KLF13: variants seen among roughly 807,000 people sequenced by gnomAD.
The protein encoded by KLF13 is KLF transcription factor 13.
A neutral mutation model predicts 16.7 loss-of-function variants in KLF13; 8 were observed. The observed-to-expected ratio is 0.48, with a 90% confidence interval of 0.28 to 0.87. KLF13 has a LOEUF of 0.87. Ranked by LOEUF, KLF13 falls within the 40% of genes least tolerant of loss-of-function variation. The pLI, the probability that KLF13 is intolerant of heterozygous loss-of-function variation, is 0.10. For synonymous variants in KLF13, 245 were observed against 208.4 expected (o/e 1.18, Z -1.51); for missense variants, 447 against 452.2 (o/e 0.99, Z 0.10).
At chr15:31,339,662 C>G (rs2038989250) in intron 1 of KLF13, among the ~76,000 whole-genome samples, 1 of 152,240 alleles carries the variant, frequency 6.6e-6, no homozygotes, top group Non-Finnish European at 1.5e-5. Flanking sequence ...CGAGGAGCGC[C>G]CTCCCACCCA....
At chr15:31,361,363 T>C (rs7169681) in intron 1 of KLF13, among the ~76,000 whole-genome samples, 126,405 of 152,092 alleles carry the variant, frequency 0.83, 52,630 homozygotes, top group South Asian at 0.89. Context: ...TCACTTGGTT[T>C]CTCACCTCTG....
chr15:31,423,133 G>GTATATATATACATA lies in KLF13; in HGVS notation n.118-12233_118-12232insTATATACATATATA, dbSNP rs771153714. On this transcript the variant is annotated intron_variant and non_coding_transcript_variant, in intron 1 of 1. Coordinates refer to the KLF13 transcript ENST00000558225. Reference sequence around the variant, plus strand: ...TATACGTATATATACGTATATATACGTATACGTATACGTATATATACGTAT... The same window carrying GTATATATATACATA: ...TATACGTATATATACGTATATATACGTATATATATACATATATACGTATACGTATATATACGTAT... Among the ~76,000 whole-genome samples, 16 of 95,636 alleles carry GTATATATATACATA rather than the reference G, an allele frequency of 1.7e-4. 6 individuals carry two copies. Among genetic ancestry groups the GTATATATATACATA allele is most frequent in the African/African-American group, 1.0e-3 (16 of 15,438 alleles). The allele number at this position is 95,636 out of a possible 152,430, so 62.7% of individuals were successfully genotyped here.
chr15:31,405,771 G>A (rs931000361), downstream of KLF13, among the ~76,000 whole-genome samples: 3 of 152,176 alleles, frequency 2.0e-5, no homozygotes, highest in African/African-American at 7.2e-5. Context: ...CCACAAAGGG[G>A]ACCCTTGGCA....
Position 31,372,230 on chromosome 15 carries a change from C to T in KLF13, c.798C>T (p.Thr266=), listed in dbSNP as rs775548859. ...AGCGGCGCGGCGGGGGCTCGCGGAC[C>T]GGCTCCCTCAGCGACTACAGCCGCT... is the stretch of plus-strand genomic sequence containing the variant. ...MLQRRGGGSR[T]GSLSDYSRSD... Residue 266 remains threonine, a synonymous_variant, in exon 2 of 2, where the codon ACC becomes ACT. Transcript: ENST00000307145. The T allele has an allele frequency of 7.2e-5, 115 of 1,593,604 alleles. No individual in the cohort carries two copies. The highest frequency in any genetic ancestry group is 1.7e-4 in the Middle Eastern group (1 of 5,990).
intron 1 of KLF13, among the ~76,000 whole-genome samples, chr15:31,364,035 C>G (rs1400323192): frequency 6.6e-6 from 1 of 152,158 alleles, no homozygotes; most frequent in East Asian, 1.9e-4. Context: ...TGCACAGTTA[C>G]CACTACCTTT....
intron 2 of KLF13, among the ~76,000 whole-genome samples, chr15:31,401,235 G>A (rs764249880): frequency 2.6e-5 from 4 of 152,166 alleles, no homozygotes; most frequent in Non-Finnish European, 4.4e-5. Context: ...CCTGACCTCA[G>A]GTGATCCACC....
At chr15:31,434,805 G>A (rs902369596) in intron 1 of KLF13, among the ~76,000 whole-genome samples, 3 of 152,278 alleles carry the variant, frequency 2.0e-5, no homozygotes, top group South Asian at 4.1e-4. Context: ...CGTCAATGCC[G>A]GCGCGCAGCA....
In KLF13 at chr15:31,327,171, C is replaced by A. The variant is rs1220980107; in HGVS notation, c.-42C>A. The A allele has an allele frequency of 1.6e-6, 2 of 1,256,294 alleles. No individual in the cohort carries two copies. The highest frequency in any genetic ancestry group is 1.6e-5 in the African/African-American group (1 of 62,118). The allele number at this position is 1,256,294 out of a possible 1,614,324, so 77.8% of individuals were successfully genotyped here. On this transcript the variant is annotated 5_prime_UTR_variant, in exon 1 of 2. Coordinates refer to ENST00000307145, the MANE Select transcript of KLF13 (RefSeq NM_015995.4). Reference sequence around the variant, plus strand: ...GCCGTGGGTGCGGATGCGCGGCTGACGACTCGCAGCAAGAGCACCGCCGCC... The same window carrying A: ...GCCGTGGGTGCGGATGCGCGGCTGAAGACTCGCAGCAAGAGCACCGCCGCC...
rs140235811 is a variant in KLF13, at chr15:31,328,146, C to A, written c.577+357C>A. On this transcript the variant is annotated intron_variant, in intron 1 of 1. Transcript: ENST00000307145. The stretch of plus-strand genomic sequence containing the variant: ...AGGTGCGGGCGGCCTGGGTGTGGAC[C>A]GCAGGCGGCACTCGTGACGGTGGGG... Among the ~76,000 whole-genome samples, 1,116 of 150,380 alleles carry A rather than the reference C, an allele frequency of 7.4e-3. 17 individuals are homozygous for A. Among genetic ancestry groups the A allele is most frequent in the African/African-American group, 0.026 (1,076 of 41,080 alleles).
upstream of KLF13, among the ~76,000 whole-genome samples, chr15:31,392,270 C>T (rs2039882469): frequency 6.6e-6 from 1 of 152,226 alleles, no homozygotes; most frequent in Non-Finnish European, 1.5e-5. Context: ...GCTTTGCACT[C>T]TGTCATTCTA....
At chr15:31,371,392 C>T (rs2039552651) in intron 1 of KLF13, among the ~76,000 whole-genome samples, 1 of 152,248 alleles carries the variant, frequency 6.6e-6, no homozygotes, top group Non-Finnish European at 1.5e-5. Context: ...GTTTCATTCT[C>T]CTGCTCTGCC....
At chr15:31,341,395 G>C (rs991386054) in intron 1 of KLF13, among the ~76,000 whole-genome samples, 2 of 152,098 alleles carry the variant, frequency 1.3e-5, no homozygotes, top group African/African-American at 4.8e-5. Context: ...TAACTTGCAA[G>C]AGCAAAATTT....
intron 2 of KLF13, among the ~76,000 whole-genome samples, chr15:31,398,595 G>A (rs372084259): frequency 3.4e-4 from 51 of 152,204 alleles, no homozygotes; most frequent in African/African-American, 1.1e-3. Context: ...GAGAAGCAGC[G>A]ACCCCTTCCA....
intron 1 of KLF13, among the ~76,000 whole-genome samples, chr15:31,432,805 T>C (rs961528561): frequency 6.6e-6 from 1 of 152,156 alleles, no homozygotes; most frequent in Non-Finnish European, 1.5e-5. Flanking sequence ...GGATGCTGGA[T>C]ATTTTTGTAT....
chr15:31,403,085 G>T (rs2040064055), intron 2 of KLF13, among the ~76,000 whole-genome samples: 1 of 152,184 alleles, frequency 6.6e-6, no homozygotes, highest in Admixed American at 6.5e-5. Context: ...TCTCTCTACG[G>T]CTCGATTGCC....
downstream of KLF13, among the ~76,000 whole-genome samples, chr15:31,378,440 G>A (rs2039683636): frequency 6.6e-6 from 1 of 152,196 alleles, no homozygotes; most frequent in Admixed American, 6.5e-5. Context: ...TAGGAAGGCA[G>A]GTGTTGATAG....
chr15:31,421,935 GAAACCCC>G (rs774173228), intron 1 of KLF13, among the ~76,000 whole-genome samples: 10 of 151,982 alleles, frequency 6.6e-5, no homozygotes, highest in Non-Finnish European at 1.2e-4. Flanking sequence ...CCAACATGAT[GAAACCCC>G]ATCTCTACCA....
intron 1 of KLF13, among the ~76,000 whole-genome samples, chr15:31,360,324 G>A (rs572144554): frequency 1.4e-3 from 207 of 152,268 alleles, no homozygotes; most frequent in Non-Finnish European, 2.2e-3. Context: ...AGAAGAGGTG[G>A]CCCCCCAGAG....
upstream of KLF13, among the ~76,000 whole-genome samples, chr15:31,388,763 C>T (rs8029049): frequency 7.4e-6 from 1 of 135,900 alleles, no homozygotes. Flanking sequence ...GTTAAAAAAT[C>T]CCAAAAAAAA....
Sources: allele counts gnomAD v4.1 joint callset (sites outside exome capture counted in the v4.1 genomes callset), GRCh38; gene constraint gnomAD v4.1.1; transcripts MANE v1.5; gene names NCBI Gene and HGNC (gene_info 2026-07-23, HGNC 2026-07-21).